Variants in FERMT2 observed in about 807,000 individuals in gnomAD.
The protein encoded by FERMT2 is fermitin family homolog 2.
In FERMT2, 15 loss-of-function variants were observed where a neutral mutation model predicts 82.7. That is an observed-to-expected ratio of 0.18 (90% CI 0.12 to 0.28). FERMT2 has a LOEUF of 0.28. Among genes scored for constraint, FERMT2 ranks in the 10% least tolerant of loss-of-function variants. The pLI, the probability that FERMT2 is intolerant of heterozygous loss-of-function variation, is 1.00. For synonymous variants in FERMT2, 274 were observed against 271.5 expected (o/e 1.01, Z -0.09); for missense variants, 645 against 809.4 (o/e 0.80, Z 2.46).
rs761894753 is a variant in FERMT2 at position 52,925,558 on chromosome 14, CAAAAA to C, written c.158-6207_158-6203del. The stretch of plus-strand genomic sequence containing the variant: ...TGGGCAACACAGCAAGACTCTGTCT[CAAAAA>C]AAAAAAAAAAAAAAAGCACTTAACT... On this transcript the variant is annotated intron_variant, in intron 2 of 14. Transcript: ENST00000341590. 2.3e-4 allele frequency among the ~76,000 whole-genome samples: 13 copies of C among 55,684 alleles called. No homozygotes were observed. The East Asian group carries it at 7.6e-3, about 33-fold the overall frequency. The allele number at this position is 55,684 out of a possible 152,430, so 36.5% of individuals were successfully genotyped here.
intron 9 of FERMT2, 151 bp from the exon 10 acceptor site, chr14:52,873,074 T>A: frequency 1.5e-6 from 1 of 660,082 alleles, no homozygotes; most frequent in Non-Finnish European, 2.6e-6. Flanking sequence ...TATTAGTCAG[T>A]GCTACTGTTA....
chr14:52,910,127 G>T (rs1888232497), intron 3 of FERMT2, among the ~76,000 whole-genome samples: 3 of 152,130 alleles, frequency 2.0e-5, no homozygotes. Flanking sequence ...CTTTTGTACA[G>T]AGTCCTTATG....
intron 12 of FERMT2, chr14:52,862,511 T>C (rs1035255654): frequency 5.9e-5 from 9 of 152,150 alleles, no homozygotes; most frequent in African/African-American, 1.7e-4. Flanking sequence ...CTACAAAAAA[T>C]ACAAAAATTA....
At chr14:52,908,863 T>C (rs1462395047) in intron 3 of FERMT2, among the ~76,000 whole-genome samples, 1 of 152,204 alleles carries the variant, frequency 6.6e-6, no homozygotes, top group Admixed American at 6.5e-5. Context: ...TTTATTTCTT[T>C]AAACTCCTGG....
At chr14:52,859,820 C>CT (rs1318328371) in intron 13 of FERMT2, 106 bp from the exon 14 acceptor site, 49,742 of 429,264 alleles carry the variant, frequency 0.12, 172 homozygotes, top group East Asian at 0.13. Flanking sequence ...GAGTACTATT[C>CT]TTTTTTTTTT....
chr14:52,924,448 C>T (rs780808876), intron 2 of FERMT2, among the ~76,000 whole-genome samples: 2 of 152,064 alleles, frequency 1.3e-5, no homozygotes, highest in Non-Finnish European at 2.9e-5. Flanking sequence ...AGATACTCCA[C>T]CACCTTGGTG....
chr14:52,859,310 A>G, intron 14 of FERMT2: 2 of 328,264 alleles, frequency 6.1e-6, no homozygotes, highest in Non-Finnish European at 1.1e-5. Flanking sequence ...AGTAGCTGCT[A>G]TTTCAGAGTA....
chr14:52,937,864 A>G (rs1369294252), intron 2 of FERMT2, among the ~76,000 whole-genome samples: 1 of 152,160 alleles, frequency 6.6e-6, no homozygotes, highest in African/African-American at 2.4e-5. Flanking sequence ...TACTGCCCAA[A>G]CTCATTAAGG....
chr14:52,904,177 T>G (rs975097546), intron 3 of FERMT2, among the ~76,000 whole-genome samples: 1 of 152,150 alleles, frequency 6.6e-6, no homozygotes, highest in Non-Finnish European at 1.5e-5. Flanking sequence ...GGTCAGGAGT[T>G]TGAGACCAGC....
At chr14:52,923,207 G>GC (rs898905493) in intron 2 of FERMT2, among the ~76,000 whole-genome samples, 2 of 151,196 alleles carry the variant, frequency 1.3e-5, no homozygotes, top group African/African-American at 4.9e-5. Context: ...GTGGGGGTTG[G>GC]GGGGGGAATC....
intron 4 of FERMT2, among the ~76,000 whole-genome samples, chr14:52,882,020 G>GT (rs770991144): frequency 7.9e-5 from 12 of 152,036 alleles, no homozygotes; most frequent in East Asian, 1.9e-4. Context: ...AAGTAAAACG[G>GT]TTTTTTTTGT....
chr14:52,883,099 G>A (rs192343870), intron 4 of FERMT2, among the ~76,000 whole-genome samples: 50 of 152,240 alleles, frequency 3.3e-4, no homozygotes, highest in African/African-American at 1.2e-3. Flanking sequence ...GCTGCAGTGA[G>A]CCAAGATTGC....
chr14:52,874,245 CT>C lies in FERMT2; in HGVS notation c.1099-20del, dbSNP rs1441023280. 3 of 1,534,446 alleles carry C rather than the reference CT, an allele frequency of 2.0e-6. No individual in the cohort carries two copies. The highest frequency in any genetic ancestry group is 2.6e-6 in the Non-Finnish European group (3 of 1,135,318). On this transcript the variant is annotated intron_variant, in intron 8 of 14. Transcript: ENST00000341590. ...TGTCACCCTAGGAGAGAGTTAAATC[CT>C]TTTTTAATTTTTTTAATATTTGAAA...
At chr14:52,935,542 C>T (rs1202420005) in intron 2 of FERMT2, among the ~76,000 whole-genome samples, 2 of 152,168 alleles carry the variant, frequency 1.3e-5, no homozygotes, top group African/African-American at 4.8e-5. Context: ...ATCTCTCCTT[C>T]TTTCCCTCCT....
intron 2 of FERMT2, among the ~76,000 whole-genome samples, chr14:52,938,101 G>T (rs116953723): frequency 0.012 from 1,810 of 152,282 alleles, 54 homozygotes; most frequent in East Asian, 0.074. Context: ...CACAAAGCTT[G>T]TAAGTACTGA....
At position 52,858,246 on chromosome 14, in the gene FERMT2, C is replaced by G; in HGVS notation, c.*131G>C. On this transcript the variant is annotated 3_prime_UTR_variant, in exon 15 of 15. Transcript: ENST00000341590. ...TTGTTTAGTGCACATATTAACTGGT[C>G]TGGTAAGGCAAAGAAGTTTTCATGA... The G allele has an allele frequency of 1.4e-6, 1 of 731,512 alleles. No homozygotes were observed. Among genetic ancestry groups the G allele is most frequent in the Non-Finnish European group, 2.3e-6 (1 of 438,408 alleles). 45.3% of individuals were successfully genotyped at this position (731,512 alleles called of 1,614,324 possible). A position where few individuals can be genotyped will look rare whatever the true frequency, so the allele number is the denominator to read the frequency against.
Position 52,861,014 on chromosome 14 carries a change from C to A in FERMT2, c.1603-549G>T. Reference sequence around the variant, plus strand: ...TTTGTGGTAAATATGGAGAACTTACCAAATCTCTTATATAGCCTGGCTGTA... The same window carrying A: ...TTTGTGGTAAATATGGAGAACTTACAAAATCTCTTATATAGCCTGGCTGTA... On this transcript the variant is annotated intron_variant, in intron 12 of 14. Coordinates refer to ENST00000341590, the MANE Select transcript of FERMT2 (RefSeq NM_006832.3). 3 of 1,517,026 alleles carry A rather than the reference C, an allele frequency of 2.0e-6. No individual in the cohort carries two copies. The South Asian group carries it at 3.9e-5, about 20-fold the overall frequency. The allele number at this position is 1,517,026 out of a possible 1,614,324, so 94.0% of individuals were successfully genotyped here.
intron 3 of FERMT2, among the ~76,000 whole-genome samples, chr14:52,896,004 T>C (rs925350778): frequency 1.3e-5 from 2 of 152,170 alleles, no homozygotes; most frequent in Admixed American, 6.6e-5. Context: ...TCCAAACTCC[T>C]TGGCCTCCCA....
chr14:52,939,419 G>A (rs1032788854), intron 2 of FERMT2, among the ~76,000 whole-genome samples: 9 of 149,084 alleles, frequency 6.0e-5, no homozygotes, highest in African/African-American at 2.0e-4. Context: ...CCTTTTAAAA[G>A]GCACATTCTC....
Sources: allele counts gnomAD v4.1 joint callset (sites outside exome capture counted in the v4.1 genomes callset), GRCh38; gene constraint gnomAD v4.1.1; transcripts MANE v1.5; gene names NCBI Gene and HGNC (gene_info 2026-07-23, HGNC 2026-07-21).